Variants in GPATCH2 observed in about 807,000 individuals in gnomAD.
GPATCH2 encodes G patch domain-containing protein 2.
In GPATCH2, 51 loss-of-function variants were observed where a neutral mutation model predicts 58.0. That is an observed-to-expected ratio of 0.88 (90% CI 0.70 to 1.11). GPATCH2 has a LOEUF of 1.11. Ranked by LOEUF, GPATCH2 falls within the 50% of genes most tolerant of loss-of-function variation. GPATCH2 has a pLI of 0.00. For missense variants in GPATCH2, 625 were observed against 652.2 expected (o/e 0.96, Z 0.45); for synonymous variants, 222 against 218.5 (o/e 1.02, Z -0.14).
At chr1:217,477,886 G>C (rs1460965592) in intron 8 of GPATCH2, among the ~76,000 whole-genome samples, 1 of 152,140 alleles carries the variant, frequency 6.6e-6, no homozygotes, top group Non-Finnish European at 1.5e-5. Context: ...CTGACCCTCA[G>C]CCCTTCTGGT....
At chr1:217,460,217 A>T (rs1216860953) in intron 8 of GPATCH2, among the ~76,000 whole-genome samples, 1 of 152,180 alleles carries the variant, frequency 6.6e-6, no homozygotes, top group Non-Finnish European at 1.5e-5. Context: ...AGATCCCATG[A>T]ACAGAAAGTT....
intron 8 of GPATCH2, among the ~76,000 whole-genome samples, chr1:217,491,147 GTCT>G (rs1661712016): frequency 6.6e-6 from 1 of 152,086 alleles, no homozygotes; most frequent in African/African-American, 2.4e-5. Flanking sequence ...CAAAAATTAA[GTCT>G]TCAGAAACAC....
intron 6 of GPATCH2, among the ~76,000 whole-genome samples, chr1:217,514,444 C>G (rs1040482525): frequency 6.6e-6 from 1 of 152,194 alleles, no homozygotes; most frequent in African/African-American, 2.4e-5. Context: ...TGGGCATGAG[C>G]CACCATGACT....
Position 217,427,875 on chromosome 1 carries a change from A to AAATACACCT in GPATCH2, c.*3261_*3269dup, listed in dbSNP as rs763645127. 3 of 152,190 alleles carry AAATACACCT rather than the reference A, an allele frequency of 2.0e-5. No homozygotes were observed. Among genetic ancestry groups the AAATACACCT allele is most frequent in the Non-Finnish European group, 4.4e-5 (3 of 67,996 alleles). 9.4% of individuals were successfully genotyped at this position (152,190 alleles called of 1,614,324 possible). A position where few individuals can be genotyped will look rare whatever the true frequency, so the allele number is the denominator to read the frequency against. On this transcript the variant is annotated 3_prime_UTR_variant, in exon 10 of 10. Coordinates refer to ENST00000366935, the MANE Select transcript of GPATCH2 (RefSeq NM_018040.5). ...TCTGTATACTGCACACAGGCATTAT[A>AAATACACCT]AATACACCTATAGGTACACATTATG...
At chr1:217,529,366 G>T (rs1038445916) in intron 5 of GPATCH2, among the ~76,000 whole-genome samples, 1 of 152,144 alleles carries the variant, frequency 6.6e-6, no homozygotes, top group Non-Finnish European at 1.5e-5. Context: ...GATCCCTCAA[G>T]AATGGTTTGG....
chr1:217,553,567 C>A (rs1295275418), intron 5 of GPATCH2, among the ~76,000 whole-genome samples: 1 of 151,774 alleles, frequency 6.6e-6, no homozygotes, highest in Admixed American at 6.6e-5. Flanking sequence ...ATTTAGGGAA[C>A]ATTAAGTAAT....
chr1:217,584,116 AT>A (rs1223070358), intron 5 of GPATCH2, among the ~76,000 whole-genome samples: 2 of 151,870 alleles, frequency 1.3e-5, no homozygotes, highest in Non-Finnish European at 2.9e-5. Flanking sequence ...AATGCTATAC[AT>A]TAATAATAAT....
At chr1:217,562,050 C>T (rs115448683) in intron 5 of GPATCH2, among the ~76,000 whole-genome samples, 42 of 152,266 alleles carry the variant, frequency 2.8e-4, no homozygotes, top group Non-Finnish European at 5.4e-4. Flanking sequence ...ACCAAAGCCC[C>T]GCAGTGCAAG....
At position 217,489,570 on chromosome 1, in the gene GPATCH2, T is replaced by C. The variant is rs185833028; in HGVS notation, c.1277+2110A>G. On this transcript the variant is annotated intron_variant, in intron 8 of 9. Coordinates refer to ENST00000366935, the MANE Select transcript of GPATCH2 (RefSeq NM_018040.5). ...TCCATTGTTTTAGATTGCCTTTAAG[T>C]CTTACAAATTGTCGGGGCACAGTGG... 2.4e-4 allele frequency among the ~76,000 whole-genome samples: 37 copies of C among 152,302 alleles called. No homozygotes were observed. The East Asian group carries it at 4.3e-3, about 17-fold the overall frequency.
chr1:217,535,075 A>T (rs993407238), intron 5 of GPATCH2, among the ~76,000 whole-genome samples: 3 of 152,190 alleles, frequency 2.0e-5, no homozygotes, highest in African/African-American at 7.2e-5. Flanking sequence ...TAAGGACCCA[A>T]TAATGCTAGT....
intron 5 of GPATCH2, among the ~76,000 whole-genome samples, chr1:217,523,753 G>A: frequency 6.7e-6 from 1 of 149,676 alleles, no homozygotes; most frequent in East Asian, 2.0e-4. Flanking sequence ...GGGGCGGCCG[G>A]GCAGAGGCGC....
chr1:217,508,904 T>G (rs906537602), intron 6 of GPATCH2, among the ~76,000 whole-genome samples: 3 of 152,202 alleles, frequency 2.0e-5, no homozygotes, highest in African/African-American at 7.2e-5. Flanking sequence ...TGATTAGACT[T>G]TAAATATAGT....
At chr1:217,436,601 A>G (rs560782702) in intron 9 of GPATCH2, among the ~76,000 whole-genome samples, 6 of 152,338 alleles carry the variant, frequency 3.9e-5, no homozygotes, top group African/African-American at 1.4e-4. Context: ...GTATATGAAC[A>G]ATATATCGCA....
chr1:217,440,835 C>T (rs1349205282), intron 9 of GPATCH2, among the ~76,000 whole-genome samples: 8 of 152,092 alleles, frequency 5.3e-5, no homozygotes, highest in Non-Finnish European at 1.0e-4. Flanking sequence ...GAAATACAAA[C>T]CACTGCTCAA....
intron 5 of GPATCH2, among the ~76,000 whole-genome samples, chr1:217,568,065 C>G (rs964754657): frequency 1.1e-4 from 17 of 151,978 alleles, no homozygotes; most frequent in African/African-American, 4.1e-4. Flanking sequence ...TGCAGTGAGC[C>G]GAGATCGTGC....
chr1:217,463,641 C>CA (rs201402598), intron 8 of GPATCH2, among the ~76,000 whole-genome samples: 1,562 of 81,850 alleles, frequency 0.019, 112 homozygotes, highest in Non-Finnish European at 0.025. Flanking sequence ...CTTATCACTC[C>CA]AAAAAAAAAA....
chr1:217,603,447 T>G (rs920248956), intron 5 of GPATCH2, among the ~76,000 whole-genome samples: 1 of 152,180 alleles, frequency 6.6e-6, no homozygotes, highest in Non-Finnish European at 1.5e-5. Context: ...TTTGTAAATA[T>G]CTGCTCTTTT....
intron 5 of GPATCH2, among the ~76,000 whole-genome samples, chr1:217,542,220 G>T (rs1468916755): frequency 6.6e-6 from 1 of 152,144 alleles, no homozygotes; most frequent in Non-Finnish European, 1.5e-5. Flanking sequence ...CATACTGATT[G>T]TAAGTGACAG....
intron 5 of GPATCH2, among the ~76,000 whole-genome samples, chr1:217,562,673 G>C (rs550915564): frequency 6.6e-6 from 1 of 152,146 alleles, no homozygotes; most frequent in Non-Finnish European, 1.5e-5. Flanking sequence ...ATAAACTGGA[G>C]ATAGACACAT....
Sources: gnomAD v4.1 joint callset for allele counts (sites outside exome capture counted in the v4.1 genomes callset) on GRCh38, gnomAD v4.1.1 for gene constraint, MANE v1.5 for transcripts, NCBI Gene and HGNC (gene_info 2026-07-23, HGNC 2026-07-21) for gene names.